The following GRAMD1B variants were observed in gnomAD, a reference collection of about 807,000 sequenced individuals.
The protein encoded by GRAMD1B is GRAM domain containing 1B.
In GRAMD1B, 37 loss-of-function variants were observed where a neutral mutation model predicts 99.7. The ratio of observed to expected loss-of-function variants is 0.37; its 90% CI spans 0.29 to 0.49. The LOEUF is 0.49. Ranked by LOEUF, GRAMD1B falls within the 20% of genes least tolerant of loss-of-function variation. The pLI is 0.98. For synonymous variants in GRAMD1B, 427 were observed against 387.6 expected, an observed-to-expected ratio of 1.10 and a Z score of -1.19; for missense variants, 888 against 1,009.2, an observed-to-expected ratio of 0.88 and a Z score of 1.63.
intron 1 of GRAMD1B, among the ~76,000 whole-genome samples, chr11:123,449,713 G>GTTTTTTTTTTTTTTTTTTTTTTTTTT (rs1245614513): frequency 1.3e-5 from 1 of 79,554 alleles, no homozygotes; most frequent in Non-Finnish European, 2.5e-5. Flanking sequence ...ACCATGCCTG[G>GTTTTTTTTTTTTTTTTTTTTTTTTTT]CTTTTTTTTT....
chr11:123,572,631 T>C (rs906461575), intron 2 of GRAMD1B, among the ~76,000 whole-genome samples: 1 of 152,128 alleles, frequency 6.6e-6, no homozygotes, highest in African/African-American at 2.4e-5. Flanking sequence ...GGGGTATATG[T>C]GGGCTTAGTC....
At chr11:123,583,490 C>G (rs952698918) in intron 3 of GRAMD1B, among the ~76,000 whole-genome samples, 2 of 152,118 alleles carry the variant, frequency 1.3e-5, no homozygotes, top group Non-Finnish European at 2.9e-5. Flanking sequence ...ACAAGCTTGT[C>G]TATCTGCGTG....
intron 2 of GRAMD1B, among the ~76,000 whole-genome samples, chr11:123,520,248 A>G (rs1433367411): frequency 6.6e-6 from 1 of 152,186 alleles, no homozygotes; most frequent in Non-Finnish European, 1.5e-5. Flanking sequence ...TTGGAGTAAT[A>G]CAAATCAAAC....
chr11:123,504,413 TTC>T (rs1321689041), intron 2 of GRAMD1B, among the ~76,000 whole-genome samples: 1 of 152,208 alleles, frequency 6.6e-6, no homozygotes, highest in East Asian at 1.9e-4. Context: ...CTATTTCCTT[TTC>T]TCCTAGAAGC....
At chr11:123,621,696 G>A (rs907468240) in intron 19 of GRAMD1B, among the ~76,000 whole-genome samples, 1 of 152,208 alleles carries the variant, frequency 6.6e-6, no homozygotes, top group African/African-American at 2.4e-5. Flanking sequence ...AGACAGGCTT[G>A]TGGTATATTA....
intron 2 of GRAMD1B, among the ~76,000 whole-genome samples, chr11:123,568,473 G>C (rs1245773577): frequency 1.3e-5 from 2 of 152,222 alleles, no homozygotes; most frequent in Admixed American, 6.5e-5. Context: ...ATTTGGAAAG[G>C]CCTCCAGGAA....
chr11:123,508,874 G>T (rs924259594), intron 2 of GRAMD1B, among the ~76,000 whole-genome samples: 2 of 152,136 alleles, frequency 1.3e-5, no homozygotes, highest in South Asian at 4.1e-4. Flanking sequence ...TAGTAGAGAC[G>T]GAGTTTTATT....
chr11:123,485,585 T>C (rs893864538), intron 2 of GRAMD1B, among the ~76,000 whole-genome samples: 2 of 152,194 alleles, frequency 1.3e-5, no homozygotes, highest in African/African-American at 4.8e-5. Flanking sequence ...TTGATTTTTA[T>C]GAAAATGTGT....
chr11:123,453,890 G>A (rs545425218), intron 1 of GRAMD1B, among the ~76,000 whole-genome samples: 2 of 152,302 alleles, frequency 1.3e-5, no homozygotes, highest in South Asian at 2.1e-4. Flanking sequence ...TTGTGAATTC[G>A]AGGGTGATCA....
intron 4 of GRAMD1B, among the ~76,000 whole-genome samples, chr11:123,593,105 AC>A (rs1343248204): frequency 1.3e-5 from 2 of 151,698 alleles, no homozygotes. Context: ...GGTGGCACAT[AC>A]CTGTAGTCCC....
intron 2 of GRAMD1B, among the ~76,000 whole-genome samples, chr11:123,531,998 A>G (rs1425552717): frequency 3.3e-5 from 5 of 151,932 alleles, no homozygotes; most frequent in African/African-American, 9.7e-5. Flanking sequence ...CAGCCTCCCA[A>G]AGTGCTGGGA....
In GRAMD1B at chr11:123,478,293, T is replaced by G. The variant is rs116674733; in HGVS notation, c.375-2523T>G. On this transcript the variant is annotated intron_variant, in intron 1 of 19. Coordinates refer to ENST00000635736, the MANE Select transcript of GRAMD1B (RefSeq NM_001387025.1). Reference sequence around the variant, plus strand: ...TCCCAAAGTGCTGGGATTACAGGCATGAGCCAACCCGCCTGGTTCCATACT... The same window carrying G: ...TCCCAAAGTGCTGGGATTACAGGCAGGAGCCAACCCGCCTGGTTCCATACT... Among the ~76,000 whole-genome samples the G allele has an allele frequency of 3.0e-3, 463 of 152,346 alleles. 7 individuals are homozygous for G. The highest frequency in any genetic ancestry group is 0.011 in the African/African-American group (452 of 41,586).
chr11:123,613,243 A>G (rs1368907716), intron 15 of GRAMD1B: 1 of 582,420 alleles, frequency 1.7e-6, no homozygotes, highest in East Asian at 2.8e-5. Flanking sequence ...GATATTGGGA[A>G]CATATGGTTC....
rs74578951 is a variant in GRAMD1B at position 123,480,543 on chromosome 11, C to G, written c.375-273C>G. Among the ~76,000 whole-genome samples, 53 of 152,200 alleles carry G rather than the reference C, an allele frequency of 3.5e-4. No individual in the cohort carries two copies. The East Asian group carries it at 9.5e-3, about 27-fold the overall frequency. Reference sequence around the variant, plus strand: ...CATTTGCTCTTTGAGGTTTATATAGCCAGGGAAGAGTGTGGTAGCAGGGCG... The same window carrying G: ...CATTTGCTCTTTGAGGTTTATATAGGCAGGGAAGAGTGTGGTAGCAGGGCG... On this transcript the variant is annotated intron_variant, in intron 1 of 19. Coordinates refer to ENST00000635736, the MANE Select transcript of GRAMD1B (RefSeq NM_001387025.1).
intron 2 of GRAMD1B, among the ~76,000 whole-genome samples, chr11:123,509,234 A>C (rs1940738551): frequency 6.6e-6 from 1 of 152,232 alleles, no homozygotes; most frequent in South Asian, 2.1e-4. Context: ...CCTCATCTGC[A>C]AAATGGGAGC....
chr11:123,609,670 T>G, intron 12 of GRAMD1B, 125 bp from the exon 13 acceptor site: 3 of 586,796 alleles, frequency 5.1e-6, no homozygotes, highest in Non-Finnish European at 9.2e-6. Context: ...CGGGCTCCCA[T>G]TGGCTTCCTT....
intron 1 of GRAMD1B, among the ~76,000 whole-genome samples, chr11:123,422,649 C>T (rs1565488944): frequency 1.3e-5 from 2 of 152,202 alleles, no homozygotes; most frequent in African/African-American, 4.8e-5. Flanking sequence ...TCCAATAACA[C>T]ACCATGCTTT....
At chr11:123,532,778 C>T (rs899950396) in intron 2 of GRAMD1B, among the ~76,000 whole-genome samples, 3 of 152,130 alleles carry the variant, frequency 2.0e-5, no homozygotes, top group Non-Finnish European at 4.4e-5. Flanking sequence ...AAATTCCATA[C>T]GTTTTATTAG....
chr11:123,581,208 C>T (rs1223514475), intron 3 of GRAMD1B, among the ~76,000 whole-genome samples: 1 of 152,198 alleles, frequency 6.6e-6, no homozygotes, highest in Non-Finnish European at 1.5e-5. Context: ...CGAGCATGTC[C>T]CCAACAGCTG....
Sources: allele counts gnomAD v4.1 joint callset (sites outside exome capture counted in the v4.1 genomes callset), GRCh38; gene constraint gnomAD v4.1.1; transcripts MANE v1.5; gene names NCBI Gene and HGNC (gene_info 2026-07-23, HGNC 2026-07-21).